TBC1D8: variants seen among roughly 807,000 people sequenced by gnomAD.
TBC1D8 encodes TBC1 domain family member 8, also known as BUB2-like protein 1.
TBC1D8 carries 65 observed loss-of-function variants against 118.8 expected under a neutral mutation model. The ratio of observed to expected loss-of-function variants is 0.55; its 90% confidence interval spans 0.45 to 0.67. The LOEUF is 0.67. Among genes scored for constraint, TBC1D8 ranks in the 30% least tolerant of loss-of-function variants. The pLI is 0.00. For missense variants in TBC1D8, 1,376 were observed against 1,471.2 expected (o/e 0.94, Z 1.06); for synonymous variants, 566 against 595.8 (o/e 0.95, Z 0.73).
intron 1 of TBC1D8, among the ~76,000 whole-genome samples, chr2:101,099,288 C>T (rs538104980): frequency 1.6e-4 from 24 of 152,242 alleles, no homozygotes; most frequent in African/African-American, 5.3e-4. Context: ...TGGACGCATA[C>T]CATCTACCAA....
At chr2:101,081,644 T>C (rs1469102786) in intron 2 of TBC1D8, among the ~76,000 whole-genome samples, 1 of 152,242 alleles carries the variant, frequency 6.6e-6, no homozygotes, top group Non-Finnish European at 1.5e-5. Context: ...GGAAGTCCTC[T>C]TCCAGTAACC....
At chr2:101,111,804 G>A (rs1283638908) in intron 1 of TBC1D8, among the ~76,000 whole-genome samples, 1 of 152,068 alleles carries the variant, frequency 6.6e-6, no homozygotes, top group Non-Finnish European at 1.5e-5. Context: ...AAAGAATCCT[G>A]AAGATGTCTG....
intron 17 of TBC1D8, among the ~76,000 whole-genome samples, chr2:101,016,276 C>T (rs1679629235): frequency 6.6e-6 from 1 of 152,160 alleles, no homozygotes; most frequent in African/African-American, 2.4e-5. Context: ...TATGAACAGA[C>T]ACTTCTCAAA....
intron 2 of TBC1D8, among the ~76,000 whole-genome samples, chr2:101,080,752 G>C (rs570958408): frequency 1.3e-5 from 2 of 151,796 alleles, no homozygotes; most frequent in Non-Finnish European, 2.9e-5. Flanking sequence ...GGGAAGGATT[G>C]TTTAAACTGG....
At chr2:101,068,732 C>G (rs1683147500) in intron 2 of TBC1D8, 1 of 277,094 alleles carries the variant, frequency 3.6e-6, no homozygotes, top group African/African-American at 2.3e-5. Context: ...TATGTGGTGG[C>G]TCATGCCTGT....
chr2:101,069,917 CTTTT>C (rs58885143), intron 2 of TBC1D8, among the ~76,000 whole-genome samples: 1 of 142,476 alleles, frequency 7.0e-6, no homozygotes, highest in African/African-American at 2.6e-5. Flanking sequence ...AGCATGTTTA[CTTTT>C]TTTTTTTTTT....
At chr2:101,011,654 CTG>C (rs764589377) in intron 17 of TBC1D8, 114 bp from the exon 18 acceptor site, 10 of 1,112,010 alleles carry the variant, frequency 9.0e-6, no homozygotes, top group South Asian at 1.4e-5. Context: ...AGCCTGTGGA[CTG>C]TAGTTTTTGC....
Position 101,052,622 on chromosome 2 carries a change from G to GT in TBC1D8, c.631+1485dup, listed in dbSNP as rs1300400809. ...CTCCCAAGTAACTGGGACCATAGGC[G>GT]TGCACCACCGTGCCTGGCTAATTTT... is the stretch of plus-strand genomic sequence containing the variant. On this transcript the variant is annotated intron_variant, in intron 4 of 19. Coordinates refer to ENST00000409318, the MANE Select transcript of TBC1D8 (RefSeq NM_001330348.2). Among the ~76,000 whole-genome samples, 3 of 152,010 alleles carry GT rather than the reference G, an allele frequency of 2.0e-5. No homozygotes were observed. The East Asian group carries it at 5.8e-4, about 29-fold the overall frequency.
rs867114105 is a variant in TBC1D8, at chr2:101,029,356, C to T, written c.2222+135G>A. Reference sequence around the variant, plus strand: ...GTGAGCAGATTGTGGGGTGCCACTGCACTCCAGCCTGGGCAACAGAGTGAG... The same window carrying T: ...GTGAGCAGATTGTGGGGTGCCACTGTACTCCAGCCTGGGCAACAGAGTGAG... On this transcript the variant is annotated intron_variant, in intron 12 of 19. Coordinates refer to ENST00000409318, the MANE Select transcript of TBC1D8 (RefSeq NM_001330348.2). The T allele has an allele frequency of 3.1e-6, 3 of 969,300 alleles. No individual in the cohort carries two copies. In the Middle Eastern group the frequency reaches 1.0e-3, roughly 326 times the overall value. The allele number at this position is 969,300 out of a possible 1,614,324, so 60.0% of individuals were successfully genotyped here. A position where few individuals can be genotyped will look rare whatever the true frequency, so the allele number is the denominator to read the frequency against.
In TBC1D8 at chr2:101,079,899, G is replaced by A. The variant is rs1221852468; in HGVS notation, c.283+10310C>T. 2.0e-5 allele frequency among the ~76,000 whole-genome samples: 3 copies of A among 151,966 alleles called. No individual in the cohort carries two copies. In the East Asian group the frequency reaches 5.8e-4, roughly 30 times the overall value. On this transcript the variant is annotated intron_variant, in intron 2 of 19. Transcript: ENST00000409318. ...GACGGGGTTTCACTGTGTTAGCTAG[G>A]ACGGTCTCGATCTCCTGACCTCATG...
At chr2:101,059,061 T>C (rs1036705355) in intron 3 of TBC1D8, among the ~76,000 whole-genome samples, 7 of 152,100 alleles carry the variant, frequency 4.6e-5, no homozygotes, top group Non-Finnish European at 1.0e-4. Flanking sequence ...CCCGCCACCA[T>C]GCCCAGCTAA....
chr2:101,054,158 T>TACAGCCAGCCCTGGCGGG lies in TBC1D8; in HGVS notation c.563_580dup (p.Leu193_Tyr194insSerArgGlnGlyTrpLeu). 1 of 1,613,600 alleles carries TACAGCCAGCCCTGGCGGG rather than the reference T, an allele frequency of 6.2e-7. No homozygotes were observed. The highest frequency in any genetic ancestry group is 8.5e-7 in the Non-Finnish European group (1 of 1,179,798). Reference sequence around the variant, plus strand: ...GAAGCAGAGGTGGTTGATGCTGAGGTACAGCCAGCCCTGGCGGGGCACCCT... The same window carrying TACAGCCAGCCCTGGCGGG: ...GAAGCAGAGGTGGTTGATGCTGAGGTACAGCCAGCCCTGGCGGGACAGCCAGCCCTGGCGGGGCACCCT... On this transcript the variant is annotated inframe_insertion, in exon 4 of 20. Coordinates refer to ENST00000409318, the MANE Select transcript of TBC1D8 (RefSeq NM_001330348.2).
Position 101,007,907 on chromosome 2 carries a change from C to T in TBC1D8, c.3382G>A (p.Glu1128Lys). 1 of 1,613,996 alleles carries T rather than the reference C, an allele frequency of 6.2e-7. No homozygotes were observed. Residue 1128 changes from glutamate (E) to lysine (K), a missense_variant, in exon 20 of 20, where the codon GAA (glutamate) becomes AAA (lysine). By Grantham distance (56) the Glu-to-Lys change is moderately conservative (BLOSUM62 1). Transcript: ENST00000409318. ...TTGTACTGATTGATCTTGGCATTTT[C>T]AAGTTTGGATTTCATGTCCAGTGGC... ...EKPLDMKSKL[E>K]NAKINQYNLK...
intron 1 of TBC1D8, among the ~76,000 whole-genome samples, chr2:101,113,906 G>T (rs1677713472): frequency 6.6e-6 from 1 of 152,198 alleles, no homozygotes; most frequent in South Asian, 2.1e-4. Flanking sequence ...GAATGAGTCT[G>T]CCTGTTTCAT....
At chr2:101,031,150 A>G (rs953567660) in intron 11 of TBC1D8, among the ~76,000 whole-genome samples, 1 of 152,222 alleles carries the variant, frequency 6.6e-6, no homozygotes, top group African/African-American at 2.4e-5. Context: ...CTTTGACAGC[A>G]TGTCCCTCAA....
intron 2 of TBC1D8, among the ~76,000 whole-genome samples, chr2:101,074,794 G>T (rs1674704917): frequency 6.6e-6 from 1 of 152,120 alleles, no homozygotes; most frequent in African/African-American, 2.4e-5. Context: ...CAGTTGAATT[G>T]GAAAAGTCAG....
intron 1 of TBC1D8, among the ~76,000 whole-genome samples, chr2:101,150,162 A>T (rs962884584): frequency 6.6e-6 from 1 of 152,172 alleles, no homozygotes; most frequent in Non-Finnish European, 1.5e-5. Context: ...TACCAGACTC[A>T]ACCTCAAAAA....
chr2:101,120,491 A>C (rs1328505785), intron 1 of TBC1D8, among the ~76,000 whole-genome samples: 1 of 152,176 alleles, frequency 6.6e-6, no homozygotes, highest in Non-Finnish European at 1.5e-5. Flanking sequence ...CACTGTGTCT[A>C]TCCTATTATT....
At chr2:101,102,175 C>T (rs1276402606) in intron 1 of TBC1D8, among the ~76,000 whole-genome samples, 1 of 152,138 alleles carries the variant, frequency 6.6e-6, no homozygotes, top group African/African-American at 2.4e-5. Flanking sequence ...CTTCAAGGGC[C>T]GGGTGCAGTG....
Sources: allele counts gnomAD v4.1 joint callset (sites outside exome capture counted in the v4.1 genomes callset), GRCh38; gene constraint gnomAD v4.1.1; transcripts MANE v1.5; gene names NCBI Gene and HGNC (gene_info 2026-07-23, HGNC 2026-07-21).